Variants in GRIK2 observed in about 807,000 individuals in gnomAD.
GRIK2 encodes the protein glutamate receptor ionotropic, kainate 2.
Under a neutral mutation model 100.3 loss-of-function variants are expected in GRIK2, and 32 were observed. That is an observed-to-expected ratio of 0.32 (90% CI 0.24 to 0.43). GRIK2 has a LOEUF of 0.43. Among genes scored for constraint, GRIK2 ranks in the 20% least tolerant of loss-of-function variants. The probability of loss-of-function intolerance (pLI) is 1.00; values close to 1 mark genes in which losing one functional copy is unlikely to be tolerated. For missense variants in GRIK2, 843 were observed against 1,114.9 expected (o/e 0.76, Z 3.47); for synonymous variants, 417 against 389.4 (o/e 1.07, Z -0.83).
At chr6:101,813,063 T>G (rs1450573911) in intron 9 of GRIK2, among the ~76,000 whole-genome samples, 2 of 152,076 alleles carry the variant, frequency 1.3e-5, no homozygotes, top group Non-Finnish European at 2.9e-5. Flanking sequence ...ACATAAATGC[T>G]ATGTATGCAT....
chr6:101,874,528 C>T (rs181888929), intron 11 of GRIK2, among the ~76,000 whole-genome samples: 2,692 of 152,116 alleles, frequency 0.018, 86 homozygotes, highest in African/African-American at 0.061. Context: ...AGTCAGGTAG[C>T]ATGATGCCTC....
chr6:101,822,239 CACACAA>C (rs989300164), intron 10 of GRIK2, among the ~76,000 whole-genome samples: 2 of 149,232 alleles, frequency 1.3e-5, no homozygotes, highest in Non-Finnish European at 3.0e-5. Flanking sequence ...CACACACACA[CACACAA>C]ACACATACAA....
intron 2 of GRIK2, among the ~76,000 whole-genome samples, chr6:101,543,997 G>T (rs569908634): frequency 6.6e-6 from 1 of 152,020 alleles, no homozygotes. Flanking sequence ...TCAGTGGGAC[G>T]CTGGTTGAGC....
At chr6:101,563,172 G>A (rs1176088949) in intron 2 of GRIK2, among the ~76,000 whole-genome samples, 2 of 152,136 alleles carry the variant, frequency 1.3e-5, no homozygotes, top group African/African-American at 2.4e-5. Flanking sequence ...CAATGAACTA[G>A]ACAAGTGAAA....
At chr6:101,884,705 T>C (rs1786495038) in intron 11 of GRIK2, among the ~76,000 whole-genome samples, 1 of 152,188 alleles carries the variant, frequency 6.6e-6, no homozygotes, top group Non-Finnish European at 1.5e-5. Flanking sequence ...AAATAAATTT[T>C]ATTTCTAGAG....
In GRIK2 at chr6:101,758,797, A is replaced by G. The variant is rs1777300737; in HGVS notation, c.952-40851A>G. Among the ~76,000 whole-genome samples the G allele has an allele frequency of 3.3e-5, 5 of 152,140 alleles. No homozygotes were observed. In the South Asian group the frequency reaches 1.0e-3, roughly 31 times the overall value. On this transcript the variant is annotated intron_variant, in intron 7 of 16. Transcript: ENST00000369134. ...GGAATCATTCTTTTTTTGAAAAGCT[A>G]TTTATTCTTAATTCATTCTTTGGAA...
intron 11 of GRIK2, among the ~76,000 whole-genome samples, chr6:101,860,367 C>T (rs1784665372): frequency 6.6e-6 from 1 of 151,920 alleles, no homozygotes; most frequent in Admixed American, 6.6e-5. Context: ...AGCAAGATGG[C>T]TGAATATATA....
chr6:101,967,583 C>T (rs1323016987), intron 14 of GRIK2, among the ~76,000 whole-genome samples: 1 of 152,070 alleles, frequency 6.6e-6, no homozygotes, highest in African/African-American at 2.4e-5. Flanking sequence ...CTTGTACCTG[C>T]AGTCTCATCA....
intron 2 of GRIK2, among the ~76,000 whole-genome samples, chr6:101,416,731 A>G (rs1013998951): frequency 2.0e-5 from 3 of 152,304 alleles, no homozygotes; most frequent in Non-Finnish European, 4.4e-5. Context: ...TATAGATCAT[A>G]TTTTTAAAAA....
intron 14 of GRIK2, among the ~76,000 whole-genome samples, chr6:101,986,281 T>C (rs1283733386): frequency 6.6e-6 from 1 of 151,918 alleles, no homozygotes; most frequent in Non-Finnish European, 1.5e-5. Flanking sequence ...GAATTATGAA[T>C]AATGGAGATT....
At chr6:102,063,924 C>T in intron 16 of GRIK2, 1 of 882,778 alleles carries the variant, frequency 1.1e-6, no homozygotes, top group Non-Finnish European at 1.9e-6. Flanking sequence ...TGCAATTATA[C>T]ATGCTAACAG....
chr6:101,822,478 G>T (rs541952047), intron 10 of GRIK2, among the ~76,000 whole-genome samples: 1 of 152,062 alleles, frequency 6.6e-6, no homozygotes, highest in South Asian at 2.1e-4. Context: ...GCATCCTAAA[G>T]CGGGAAAGGG....
At position 101,626,377 on chromosome 6, in the gene GRIK2, C is replaced by T. The variant is rs1272249425; in HGVS notation, c.284-3C>T. The T allele has an allele frequency of 9.9e-6, 16 of 1,609,894 alleles. No homozygotes were observed. Among genetic ancestry groups the T allele is most frequent in the East Asian group, 4.5e-5 (2 of 44,822 alleles). On this transcript the variant is annotated splice_polypyrimidine_tract_variant and splice_region_variant and intron_variant, in intron 3 of 16. Transcript: ENST00000369134. ...TATTGACAGACCTTTATCTCCTCTT[C>T]AGCCTGTGATCAGCTGTCTCTTGGG...
chr6:101,681,359 G>A (rs1021151728), intron 5 of GRIK2, among the ~76,000 whole-genome samples: 11 of 151,382 alleles, frequency 7.3e-5, no homozygotes, highest in Non-Finnish European at 1.5e-4. Context: ...TCGAGTAGTT[G>A]GGACTAAAGG....
chr6:102,041,244 C>A (rs1224335070), intron 15 of GRIK2, among the ~76,000 whole-genome samples: 9 of 151,556 alleles, frequency 5.9e-5, no homozygotes, highest in Non-Finnish European at 1.3e-4. Flanking sequence ...GGTACCCAAA[C>A]AATGTAGAAA....
intron 4 of GRIK2, among the ~76,000 whole-genome samples, chr6:101,673,325 C>A (rs937369300): frequency 5.3e-5 from 8 of 152,136 alleles, no homozygotes; most frequent in South Asian, 2.1e-4. Flanking sequence ...CTCACACTAG[C>A]CAGCATGGGT....
chr6:101,408,635 C>A (rs77914884), intron 2 of GRIK2, among the ~76,000 whole-genome samples: 6,750 of 152,082 alleles, frequency 0.044, 202 homozygotes, highest in Non-Finnish European at 0.068. Flanking sequence ...GGAGGAATTC[C>A]CTTTTTTTCT....
intron 2 of GRIK2, among the ~76,000 whole-genome samples, chr6:101,612,741 T>TGTGTGTG (rs1554228579): frequency 4.2e-4 from 63 of 151,472 alleles, no homozygotes; most frequent in African/African-American, 1.5e-3. Context: ...TGTGTGTGTG[T>TGTGTGTG]GTGTGTGTGT....
intron 14 of GRIK2, among the ~76,000 whole-genome samples, chr6:102,014,631 A>G (rs1034992716): frequency 2.0e-5 from 3 of 152,054 alleles, no homozygotes; most frequent in African/African-American, 4.8e-5. Context: ...CTGGCATGTT[A>G]TATCTTTGTT....
Sources: allele counts gnomAD v4.1 joint callset (sites outside exome capture counted in the v4.1 genomes callset), GRCh38; gene constraint gnomAD v4.1.1; transcripts MANE v1.5; gene names NCBI Gene and HGNC (gene_info 2026-07-23, HGNC 2026-07-21).